CARMIL1: variants seen among roughly 807,000 people sequenced by gnomAD.
CARMIL1 encodes F-actin-uncapping protein LRRC16A.
CARMIL1 carries 90 observed loss-of-function variants against 177.1 expected under a neutral mutation model. The observed-to-expected ratio is 0.51, with a 90% CI of 0.43 to 0.61. The LOEUF (loss-of-function observed/expected upper bound fraction) is 0.61, where lower values mean the gene tolerates loss of function less well. Among genes scored for constraint, CARMIL1 ranks in the 20% least tolerant of loss-of-function variants. CARMIL1 has a pLI of 0.00. For missense variants in CARMIL1, 1,380 were observed against 1,667.0 expected, an observed-to-expected ratio of 0.83 and a Z score of 3.00; for synonymous variants, 577 against 606.2, an observed-to-expected ratio of 0.95 and a Z score of 0.71.
intron 15 of CARMIL1, among the ~76,000 whole-genome samples, chr6:25,492,561 T>A (rs1030287538): frequency 6.6e-6 from 1 of 152,162 alleles, no homozygotes; most frequent in Admixed American, 6.5e-5. Flanking sequence ...AGAGGAATTA[T>A]CAGAGGAATT....
At chr6:25,567,295 C>T (rs746430779) in intron 29 of CARMIL1, among the ~76,000 whole-genome samples, 1 of 152,136 alleles carries the variant, frequency 6.6e-6, no homozygotes, top group Admixed American at 6.5e-5. Flanking sequence ...ATCTTTATTC[C>T]CACGGGCCAA....
chr6:25,299,418 C>T (rs932773200), intron 2 of CARMIL1, among the ~76,000 whole-genome samples: 3 of 151,884 alleles, frequency 2.0e-5, no homozygotes, highest in Admixed American at 6.5e-5. Flanking sequence ...GTGATCTGCC[C>T]GCCTCGGCCT....
chr6:25,364,417 C>T (rs78578594), intron 2 of CARMIL1, among the ~76,000 whole-genome samples: 7,741 of 152,248 alleles, frequency 0.051, 263 homozygotes, highest in Non-Finnish European at 0.086. Context: ...CCAACTCTCT[C>T]CTTCTTTATA....
chr6:25,591,208 T>C (rs1349781439), intron 31 of CARMIL1, among the ~76,000 whole-genome samples: 1 of 152,240 alleles, frequency 6.6e-6, no homozygotes, highest in Non-Finnish European at 1.5e-5. Flanking sequence ...CACCGCCTAC[T>C]GTCTTTCCCT....
chr6:25,496,707 ATACT>A (rs1803762629), intron 16 of CARMIL1, among the ~76,000 whole-genome samples: 1 of 152,198 alleles, frequency 6.6e-6, no homozygotes. Context: ...CATTCAAGTA[ATACT>A]TACTGAGCAT....
At chr6:25,324,032 T>G (rs1784883126) in intron 2 of CARMIL1, among the ~76,000 whole-genome samples, 1 of 152,250 alleles carries the variant, frequency 6.6e-6, no homozygotes, top group Non-Finnish European at 1.5e-5. Context: ...CTGTTCTGGT[T>G]GGCATCCCAA....
chr6:25,407,189 A>G (rs140812966), intron 2 of CARMIL1, among the ~76,000 whole-genome samples: 28 of 152,268 alleles, frequency 1.8e-4, no homozygotes, highest in African/African-American at 6.3e-4. Flanking sequence ...ATATGAAGAC[A>G]CTGAGTATGG....
chr6:25,537,411 A>G (rs1808410184), intron 24 of CARMIL1, among the ~76,000 whole-genome samples: 1 of 152,188 alleles, frequency 6.6e-6, no homozygotes, highest in African/African-American at 2.4e-5. Flanking sequence ...TTTTGTAGTC[A>G]TTACAACAGT....
chr6:25,399,149 T>C (rs1391345131), intron 2 of CARMIL1, among the ~76,000 whole-genome samples: 1 of 152,206 alleles, frequency 6.6e-6, no homozygotes, highest in African/African-American at 2.4e-5. Context: ...TTGATACTTA[T>C]GTAAGCGATC....
Position 25,619,550 on chromosome 6 carries a change from G to A in CARMIL1, c.4083G>A (p.Gly1361=). 1 of 1,613,778 alleles carries A rather than the reference G, an allele frequency of 6.2e-7. No individual in the cohort carries two copies. The highest frequency in any genetic ancestry group is 8.5e-7 in the Non-Finnish European group (1 of 1,179,822). The change falls in exon 37 of 37, where the codon GGG becomes GGA. Residue 1361 remains glycine, a synonymous_variant. Transcript: ENST00000329474. ...AAGGCAGCAAATCTAATGACTCCGG[G>A]GAAGAAGCAGAAAAAGAGTTTATTT... is the stretch of plus-strand genomic sequence containing the variant. ...GHQGSKSNDS[G]EEAEKEFIFV
chr6:25,556,576 T>G (rs1810619107), intron 28 of CARMIL1, 125 bp from the exon 29 acceptor site: 7 of 737,744 alleles, frequency 9.5e-6, no homozygotes, highest in East Asian at 2.7e-5. Flanking sequence ...TATTAAGAAT[T>G]GTCCTTGTCA....
intron 29 of CARMIL1, among the ~76,000 whole-genome samples, chr6:25,566,824 C>T (rs2151206315): frequency 6.6e-6 from 1 of 152,252 alleles, no homozygotes; most frequent in African/African-American, 2.4e-5. Context: ...ATAGCTAATG[C>T]CATCAATAAA....
chr6:25,584,761 G>A (rs554683944), intron 31 of CARMIL1, among the ~76,000 whole-genome samples: 186 of 152,256 alleles, frequency 1.2e-3, no homozygotes, highest in Non-Finnish European at 2.4e-3. Context: ...CCTATAGGGA[G>A]GGCAGTTTCT....
intron 2 of CARMIL1, among the ~76,000 whole-genome samples, chr6:25,322,719 T>C (rs1171180551): frequency 6.6e-6 from 1 of 152,196 alleles, no homozygotes; most frequent in East Asian, 1.9e-4. Context: ...GGACTGAAGC[T>C]CTCTAAAGAG....
At chr6:25,474,136 C>A (rs1182199327) in intron 11 of CARMIL1, among the ~76,000 whole-genome samples, 3 of 147,468 alleles carry the variant, frequency 2.0e-5, no homozygotes, top group Non-Finnish European at 4.5e-5. Flanking sequence ...GAGAAGGAGT[C>A]TTGCTTTGTC....
At chr6:25,563,908 G>C (rs1811345260) in intron 29 of CARMIL1, 1 of 982,030 alleles carries the variant, frequency 1.0e-6, no homozygotes. Context: ...TCAAACCTTT[G>C]GTAACAACCC....
intron 1 of CARMIL1, among the ~76,000 whole-genome samples, chr6:25,281,856 T>A (rs760568451): frequency 5.9e-5 from 9 of 152,166 alleles, no homozygotes; most frequent in Non-Finnish European, 1.3e-4. Context: ...GGCTCACCCC[T>A]GTAATCCTAG....
chr6:25,452,035 ACCTGGCAGGAAATC>A (rs1243743439), intron 8 of CARMIL1: 1 of 443,980 alleles, frequency 2.3e-6, no homozygotes, highest in Non-Finnish European at 4.4e-6. Context: ...TTTTCCACCT[ACCTGGCAGGAAATC>A]CAGAATTGCA....
At chr6:25,324,840 G>A (rs1784946195) in intron 2 of CARMIL1, among the ~76,000 whole-genome samples, 1 of 152,146 alleles carries the variant, frequency 6.6e-6, no homozygotes, top group South Asian at 2.1e-4. Context: ...CCAGGTGAGG[G>A]CACAGGTGTG....
Sources: gnomAD v4.1 joint callset for allele counts (sites outside exome capture counted in the v4.1 genomes callset) on GRCh38, gnomAD v4.1.1 for gene constraint, MANE v1.5 for transcripts, NCBI Gene and HGNC (gene_info 2026-07-23, HGNC 2026-07-21) for gene names.